SEC61A1: variants seen among roughly 807,000 people sequenced by gnomAD.
SEC61A1 encodes SEC61 translocon subunit alpha 1, also known as protein transport protein Sec61 subunit alpha isoform 1.
Under a neutral mutation model 55.2 loss-of-function variants are expected in SEC61A1, and 15 were observed. That is an observed-to-expected ratio of 0.27 (90% CI 0.18 to 0.42). The LOEUF (loss-of-function observed/expected upper bound fraction) is 0.42, where lower values mean the gene tolerates loss of function less well. Ranked by LOEUF, SEC61A1 falls within the 10% of genes least tolerant of loss-of-function variation. SEC61A1 has a pLI of 1.00. For missense variants in SEC61A1, 284 were observed against 602.6 expected, an observed-to-expected ratio of 0.47 and a Z score of 5.53; for synonymous variants, 247 against 234.0, an observed-to-expected ratio of 1.06 and a Z score of -0.51.
chr3:128,060,220 T>C lies in SEC61A1; in HGVS notation c.462+9T>C, dbSNP rs372364791. 2.3e-5 allele frequency: 36 copies of C among 1,567,786 alleles called. No individual in the cohort carries two copies. In the African/African-American group the frequency reaches 4.1e-4, roughly 18 times the overall value. The stretch of plus-strand genomic sequence containing the variant: ...TGCTAATCACCATTCAGGTAATTAT[T>C]ATGCTAACATCTCCCTTTGAGTAGC... On this transcript the variant is annotated intron_variant, in intron 6 of 11. Transcript: ENST00000243253.
chr3:128,067,494 C>T lies in SEC61A1; in HGVS notation c.1049C>T (p.Ser350Phe), dbSNP rs768779135. ...TGCTATTACCTGTCCCCTCCAGAAT[C>T]TTTTGGCTCCGTGTTAGAAGACCCG... ...GLCYYLSPPESFGSVLEDPVH... is the reference protein window; with the variant it reads ...GLCYYLSPPEFFGSVLEDPVH... Residue 350 changes from serine to phenylalanine, a missense_variant, in exon 10 of 12, where the codon TCT (serine) becomes TTT (phenylalanine). Transcript: ENST00000243253. The surrounding 1 kb of genome is among the most constrained non-coding windows in gnomAD (Gnocchi z 4.1). The T allele has an allele frequency of 1.2e-6, 2 of 1,614,214 alleles. No homozygotes were observed. Among genetic ancestry groups the T allele is most frequent in the Non-Finnish European group, 1.7e-6 (2 of 1,180,034 alleles).
chr3:128,054,008 A>G (rs918941874), intron 2 of SEC61A1, among the ~76,000 whole-genome samples: 3 of 152,262 alleles, frequency 2.0e-5, no homozygotes, highest in African/African-American at 7.2e-5. Context: ...AGAGTGTAGC[A>G]TGTTTGGATG....
chr3:128,069,548 C>T lies in SEC61A1; in HGVS notation c.1317C>T (p.Gly439=), dbSNP rs143929698. 2.5e-4 allele frequency: 411 copies of T among 1,613,936 alleles called. 2 individuals carry two copies. The highest frequency in any genetic ancestry group is 3.3e-4 in the Non-Finnish European group (388 of 1,180,024). ...TCTCGGTCCTGGCTGACTTCCTAGG[C>T]GCCATTGGGTCTGGAACCGGGATCC... ...GALSVLADFL[G]AIGSGTGILL... is the part of the protein sequence containing the mutation. Residue 439 remains glycine, a synonymous_variant, in exon 12 of 12, where the codon GGC becomes GGT. Coordinates refer to ENST00000243253, the MANE Select transcript of SEC61A1 (RefSeq NM_013336.4).
In SEC61A1 at chr3:128,067,556, T is replaced by C; in HGVS notation, c.1111T>C (p.Ser371Pro). ...TGTATACATAGTGTTCATGCTGGGC[T>C]CCTGTGCATTCTTCTCCAAAACGTG... ...AVVYIVFMLG[S>P]CAFFSKTWIE... Residue 371 changes from serine (S) to proline (P), a missense_variant, in exon 10 of 12, where the codon TCC becomes CCC. Coordinates refer to ENST00000243253, the MANE Select transcript of SEC61A1 (RefSeq NM_013336.4). The surrounding 1 kb of genome is among the most constrained non-coding windows in gnomAD (Gnocchi z 4.1). 1 of 1,613,412 alleles carries C rather than the reference T, an allele frequency of 6.2e-7. No individual in the cohort carries two copies. The highest frequency in any genetic ancestry group is 8.5e-7 in the Non-Finnish European group (1 of 1,179,822).
At position 128,056,691 on chromosome 3, in the gene SEC61A1, C is replaced by G. The variant is rs755748927; in HGVS notation, c.221-18C>G. 9 of 1,504,640 alleles carry G rather than the reference C, an allele frequency of 6.0e-6. No individual in the cohort carries two copies. The highest frequency in any genetic ancestry group is 5.4e-6 in the Non-Finnish European group (6 of 1,121,434). 93.2% of individuals were successfully genotyped at this position (1,504,640 alleles called of 1,614,324 possible). On this transcript the variant is annotated intron_variant, in intron 4 of 11. Transcript: ENST00000243253. ...TTCCAAGCTGATATTGACTGTTTTG[C>G]TTCCCCGTTTCCTCAAGGCACATTG...
chr3:128,069,444 T>G (rs1942087903), intron 11 of SEC61A1, 32 bp from the exon 12 acceptor site: 1 of 1,596,180 alleles, frequency 6.3e-7, no homozygotes, highest in Non-Finnish European at 8.5e-7. Context: ...GCTCTGTGGG[T>G]GTCCAGGAGC....
rs1576417916 is a variant in SEC61A1 at position 128,052,532 on chromosome 3, G to A, written c.-21G>A. 1 of 1,596,264 alleles carries A rather than the reference G, an allele frequency of 6.3e-7. No homozygotes were observed. The highest frequency in any genetic ancestry group is 1.1e-5 in the South Asian group (1 of 88,690). ...GCAGAGCTGAGCTGAAGCGGGACCCGGAGCCCGAGCAGCCGCCGCCATGGC... is the reference window on the plus strand; with the variant it reads ...GCAGAGCTGAGCTGAAGCGGGACCCAGAGCCCGAGCAGCCGCCGCCATGGC... On this transcript the variant is annotated 5_prime_UTR_variant, in exon 1 of 12. Coordinates refer to ENST00000243253, the MANE Select transcript of SEC61A1 (RefSeq NM_013336.4).
chr3:128,063,934 T>G (rs1224095799), intron 7 of SEC61A1, among the ~76,000 whole-genome samples: 1 of 152,234 alleles, frequency 6.6e-6, no homozygotes, highest in African/African-American at 2.4e-5. Flanking sequence ...GTTGTCTGGT[T>G]CTTAGATTGG....
chr3:128,051,864 G>C (rs1250134513), upstream of SEC61A1: 1 of 1,535,964 alleles, frequency 6.5e-7, no homozygotes, highest in East Asian at 2.4e-5. Flanking sequence ...CCACACCCAC[G>C]ACAAGCCTCC....
chr3:128,065,500 A>G (rs927107308), intron 8 of SEC61A1, among the ~76,000 whole-genome samples: 2 of 152,002 alleles, frequency 1.3e-5, no homozygotes, highest in African/African-American at 4.8e-5. Flanking sequence ...CTGAACTGCT[A>G]TTGTTTTCCT....
At chr3:128,066,209 A>G (rs955472368) in intron 8 of SEC61A1, among the ~76,000 whole-genome samples, 4 of 152,128 alleles carry the variant, frequency 2.6e-5, no homozygotes, top group African/African-American at 9.7e-5. Context: ...AGGAACTATT[A>G]TAAGGTGTGA....
At position 128,067,251 on chromosome 3, in the gene SEC61A1, T is replaced by C; in HGVS notation, c.975+100T>C. The C allele has an allele frequency of 7.4e-7, 1 of 1,355,574 alleles. No homozygotes were observed. The highest frequency in any genetic ancestry group is 1.0e-6 in the Non-Finnish European group (1 of 965,426). The allele number at this position is 1,355,574 out of a possible 1,614,324, so 84.0% of individuals were successfully genotyped here. A position where few individuals can be genotyped will look rare whatever the true frequency, so the allele number is the denominator to read the frequency against. On this transcript the variant is annotated intron_variant, in intron 9 of 11. Coordinates refer to ENST00000243253, the MANE Select transcript of SEC61A1 (RefSeq NM_013336.4). This position sits in a 1 kb window ranked among gnomAD's most constrained non-coding sequence, Gnocchi z 4.1. Reference sequence around the variant, plus strand: ...ACAGATATTTCATCCAAAGATATTTTCCATTGTGCCTTTTACAAATTCAGC... The same window carrying C: ...ACAGATATTTCATCCAAAGATATTTCCCATTGTGCCTTTTACAAATTCAGC...
intron 11 of SEC61A1, 135 bp downstream of exon 11, chr3:128,068,194 T>C: frequency 1.5e-6 from 1 of 657,480 alleles, no homozygotes; most frequent in South Asian, 1.8e-5. Flanking sequence ...CAGAATTAAA[T>C]GTTATATATT....
intron 1 of SEC61A1, 85 bp from the exon 2 acceptor site, chr3:128,052,750 G>A: frequency 2.6e-6 from 4 of 1,509,806 alleles, no homozygotes; most frequent in Non-Finnish European, 3.7e-6. Context: ...GCTCTCACTC[G>A]TCGTGGGCAG....
intron 1 of SEC61A1, 25 bp from the exon 2 acceptor site, chr3:128,052,810 T>G: frequency 6.2e-7 from 1 of 1,605,310 alleles, no homozygotes; most frequent in African/African-American, 1.3e-5. Flanking sequence ...TCCCAACTCT[T>G]CCTGTTTTGT....
chr3:128,063,395 T>A (rs1941878972), intron 7 of SEC61A1, among the ~76,000 whole-genome samples: 1 of 152,256 alleles, frequency 6.6e-6, no homozygotes, highest in African/African-American at 2.4e-5. Context: ...TGGAGTGCAT[T>A]GGCGCCATCT....
At chr3:128,052,406 G>C, upstream of SEC61A1, 1 of 1,226,430 alleles carries the variant, frequency 8.2e-7, no homozygotes, top group Middle Eastern at 3.2e-4. Context: ...GCCCCGCGCC[G>C]CGCCGCGCCG....
chr3:128,055,800 C>A, intron 4 of SEC61A1, 49 bp downstream of exon 4: 1 of 1,426,528 alleles, frequency 7.0e-7, no homozygotes, highest in Non-Finnish European at 9.9e-7. Context: ...GCTTACCTAG[C>A]TTCACTTAGT....
Position 128,067,872 on chromosome 3 carries a change from T to G in SEC61A1, c.1168-111T>G. The stretch of plus-strand genomic sequence containing the variant: ...TGCGGCAGTTTTAAAGTTCTCTGTA[T>G]GAATATTGTCAGTGCTCGAAGAGGC... On this transcript the variant is annotated intron_variant, in intron 10 of 11. Coordinates refer to ENST00000243253, the MANE Select transcript of SEC61A1 (RefSeq NM_013336.4). The surrounding 1 kb of genome is among the most constrained non-coding windows in gnomAD (Gnocchi z 4.1). 1.2e-6 allele frequency: 1 copy of G among 864,516 alleles called. No individual in the cohort carries two copies. Among genetic ancestry groups the G allele is most frequent in the Non-Finnish European group, 1.9e-6 (1 of 519,910 alleles). The allele number at this position is 864,516 out of a possible 1,614,324, so 53.6% of individuals were successfully genotyped here.
Sources: allele counts gnomAD v4.1 joint callset (sites outside exome capture counted in the v4.1 genomes callset), GRCh38; gene constraint gnomAD v4.1.1; non-coding constraint Gnocchi (gnomAD v3.1); transcripts MANE v1.5; gene names NCBI Gene and HGNC (gene_info 2026-07-23, HGNC 2026-07-21).